Variants in RALGDS observed in about 807,000 individuals in gnomAD.
RALGDS encodes the protein ral guanine nucleotide exchange factor.
A neutral mutation model predicts 99.8 loss-of-function variants in RALGDS; 44 were observed. The ratio of observed to expected loss-of-function variants is 0.44; its 90% CI spans 0.35 to 0.57. The LOEUF is 0.57. Among genes scored for constraint, RALGDS ranks in the 20% least tolerant of loss-of-function variants. RALGDS has a pLI of 0.01. For synonymous variants in RALGDS, 529 were observed against 505.0 expected (o/e 1.05, Z -0.64); for missense variants, 1,022 against 1,203.1 (o/e 0.85, Z 2.23).
intron 1 of RALGDS, 59 bp from the exon 2 acceptor site, chr9:133,112,211 G>T (rs886279163): frequency 1.7e-6 from 2 of 1,144,738 alleles, no homozygotes; most frequent in Non-Finnish European, 1.3e-6. Flanking sequence ...CCTGGCCACC[G>T]TGCAGGGGAT....
upstream of RALGDS, among the ~76,000 whole-genome samples, chr9:133,135,818 G>A (rs1367410474): frequency 6.6e-6 from 1 of 152,208 alleles, no homozygotes; most frequent in Non-Finnish European, 1.5e-5. Context: ...CCTGGCACAT[G>A]CTCCGTGTCA....
chr9:133,102,240 C>T (rs1399612270), intron 14 of RALGDS, 101 bp from the exon 15 acceptor site: 11 of 1,286,416 alleles, frequency 8.6e-6, no homozygotes, highest in Non-Finnish European at 9.7e-6. Context: ...AGTGCTGGGA[C>T]AGTTGCCAGT....
chr9:133,098,227 G>A lies in RALGDS; in HGVS notation c.*360C>T, dbSNP rs553911205. 8 of 419,712 alleles carry A rather than the reference G, an allele frequency of 1.9e-5. No individual in the cohort carries two copies. Among genetic ancestry groups the A allele is most frequent in the African/African-American group, 1.4e-4 (7 of 50,694 alleles). 26.0% of individuals were successfully genotyped at this position (419,712 alleles called of 1,614,324 possible). The stretch of plus-strand genomic sequence containing the variant: ...GTGGTCACAGTGGGTGCTCTGGGGT[G>A]CCCATGGGCACAGGTGGCAGTGACC... On this transcript the variant is annotated 3_prime_UTR_variant, in exon 18 of 18. Coordinates refer to ENST00000372050, the MANE Select transcript of RALGDS (RefSeq NM_006266.4).
chr9:133,107,073 C>G lies in RALGDS; in HGVS notation c.1413+12G>C. On this transcript the variant is annotated intron_variant, in intron 7 of 17. Transcript: ENST00000372050. ...AGCCAAAGTGGGGGCCCAGGCCCCT[C>G]CTCTGGCATACCCTGGCCACCTCGA... 6.2e-7 allele frequency: 1 copy of G among 1,613,056 alleles called. No individual in the cohort carries two copies. The highest frequency in any genetic ancestry group is 8.5e-7 in the Non-Finnish European group (1 of 1,179,890).
At chr9:133,110,238 G>T in intron 3 of RALGDS, 58 bp downstream of exon 3, 1 of 1,531,920 alleles carries the variant, frequency 6.5e-7, no homozygotes. Flanking sequence ...CCCGCAGCCA[G>T]GTGGGGGTGG....
chr9:133,100,881 C>T (rs528491943), intron 16 of RALGDS: 2 of 1,051,942 alleles, frequency 1.9e-6, no homozygotes, highest in African/African-American at 3.4e-5. Flanking sequence ...TAATGACAAC[C>T]ATGCTAGCTC....
intron 2 of RALGDS, among the ~76,000 whole-genome samples, chr9:133,110,696 T>C (rs1588531408): frequency 6.6e-6 from 1 of 152,164 alleles, no homozygotes; most frequent in African/African-American, 2.4e-5. Context: ...GAGGCCAAGG[T>C]GGGAGCATCA....
At position 133,101,941 on chromosome 9, in the gene RALGDS, C is replaced by G; in HGVS notation, c.2208G>C (p.Lys736Asn). 1 of 1,551,104 alleles carries G rather than the reference C, an allele frequency of 6.4e-7. No individual in the cohort carries two copies. Among genetic ancestry groups the G allele is most frequent in the Non-Finnish European group, 8.7e-7 (1 of 1,147,052 alleles). The change falls in exon 15 of 18, where the codon AAG becomes AAC. Residue 736 changes from lysine to asparagine, a missense_variant. Around this residue, in one of 3 missense-constraint regions of RALGDS, gnomAD observed 825 missense variants for 994.5 expected, o/e 0.83. Transcript: ENST00000372050. ...GGGGAGAAGGGCAGGCAGTCACCTTCTTTTCCTGGCCATCAGGAGACTCCG... is the reference window on the plus strand; with the variant it reads ...GGGGAGAAGGGCAGGCAGTCACCTTGTTTTCCTGGCCATCAGGAGACTCCG... ...FVPESPDGQE[K>N]KFWESASQSS...
intron 1 of RALGDS, among the ~76,000 whole-genome samples, chr9:133,143,240 A>C (rs758981218): frequency 6.6e-6 from 1 of 152,058 alleles, no homozygotes; most frequent in Non-Finnish European, 1.5e-5. Context: ...CCTTCTCCAC[A>C]AGATCTGTCT....
Position 133,108,284 on chromosome 9 carries a change from G to A in RALGDS, c.901C>T (p.Pro301Ser). 1 of 1,564,156 alleles carries A rather than the reference G, an allele frequency of 6.4e-7. No individual in the cohort carries two copies. Among genetic ancestry groups the A allele is most frequent in the Non-Finnish European group, 8.7e-7 (1 of 1,154,460 alleles). Residue 301 changes from proline to serine, a missense_variant, in exon 6 of 18, where the codon CCA becomes TCA. Pro to Ser is a moderately conservative substitution (Grantham distance 74). Transcript: ENST00000372050. ...GGAGCTACTTCTAGCTCTGAACCTG[G>A]AGCTGGTGTTGGAGCTGGCTCTGGC... ...PEPEPAPTPAPGSELEVAPAP... is the reference protein window; with the variant it reads ...PEPEPAPTPASGSELEVAPAP...
chr9:133,106,244 CTTTTTTT>C (rs1456647953), intron 8 of RALGDS, among the ~76,000 whole-genome samples: 1 of 151,640 alleles, frequency 6.6e-6, no homozygotes, highest in African/African-American at 2.4e-5. Flanking sequence ...GGGTTTTTTT[CTTTTTTT>C]GGAGACAGTT....
intron 1 of RALGDS, among the ~76,000 whole-genome samples, chr9:133,141,187 T>C (rs7026742): frequency 1.3e-5 from 2 of 152,118 alleles, no homozygotes; most frequent in African/African-American, 2.4e-5. Context: ...TCACCAACAG[T>C]CCTACCCTCA....
At chr9:133,103,090 G>A (rs893358268) in intron 12 of RALGDS, 140 bp downstream of exon 12, 13 of 1,377,130 alleles carry the variant, frequency 9.4e-6, no homozygotes, top group Non-Finnish European at 1.2e-5. Flanking sequence ...TCACCCTCCA[G>A]TGGGAGGGGA....
rs536590867 is a variant in RALGDS, at chr9:133,144,518, C to T, written c.18+4445G>A. Among the ~76,000 whole-genome samples the T allele has an allele frequency of 1.3e-5, 2 of 152,244 alleles. No individual in the cohort carries two copies. The highest frequency in any genetic ancestry group is 2.1e-4 in the South Asian group (1 of 4,836). On this transcript the variant is annotated intron_variant, in intron 1 of 17. Coordinates refer to the RALGDS transcript ENST00000393160. The surrounding 1 kb of genome is among the most constrained non-coding windows in gnomAD (Gnocchi z 4.5). ...TGGCCTGTTTACAGCTGTGCGCAAG[C>T]TCCTCGCGACCCGAAAGCGAGACCT... is the stretch of plus-strand genomic sequence containing the variant.
intron 9 of RALGDS, 96 bp downstream of exon 9, chr9:133,105,836 A>AC: frequency 5.3e-6 from 1 of 188,004 alleles, no homozygotes; most frequent in Non-Finnish European, 8.3e-6. Flanking sequence ...CCCCCGCCCC[A>AC]GCCCCCGCCC....
chr9:133,136,311 A>G (rs1832424830), intron 1 of RALGDS, among the ~76,000 whole-genome samples: 1 of 152,104 alleles, frequency 6.6e-6, no homozygotes, highest in Admixed American at 6.5e-5. Flanking sequence ...CTGAGGGGGC[A>G]GCGCGGGTAT....
intron 9 of RALGDS, among the ~76,000 whole-genome samples, chr9:133,105,518 G>A (rs373020294): frequency 4.6e-5 from 7 of 152,098 alleles, no homozygotes; most frequent in South Asian, 2.1e-4. Flanking sequence ...CCCTCTCCTT[G>A]GGTGTGTAGA....
chr9:133,113,277 T>C (rs1831436614), intron 1 of RALGDS, among the ~76,000 whole-genome samples: 1 of 152,184 alleles, frequency 6.6e-6, no homozygotes, highest in Non-Finnish European at 1.5e-5. Flanking sequence ...CAGACAGTGC[T>C]GACTCAGGCC....
rs762813652 is a variant in RALGDS, at chr9:133,128,293, G to A, written c.132+2659C>T. On this transcript the variant is annotated intron_variant, in intron 1 of 17. Transcript: ENST00000372062. ...CGGGAGAGGGAGGCAGCAGGCAGAC[G>A]GAAGCGAGGAGACAGGGCGCAGAGG... Among the ~76,000 whole-genome samples, 4 of 152,200 alleles carry A rather than the reference G, an allele frequency of 2.6e-5. No individual in the cohort carries two copies. The South Asian group carries it at 6.2e-4, about 24-fold the overall frequency.
Sources: allele counts gnomAD v4.1 joint callset (sites outside exome capture counted in the v4.1 genomes callset), GRCh38; gene constraint gnomAD v4.1.1; regional missense constraint gnomAD v4.1.1; non-coding constraint Gnocchi (gnomAD v3.1); transcripts MANE v1.5; gene names NCBI Gene and HGNC (gene_info 2026-07-23, HGNC 2026-07-21).